Variants in BNIP1 observed in about 807,000 individuals in gnomAD.
BNIP1 encodes the protein vesicle transport protein SEC20.
BNIP1 carries 25 observed loss-of-function variants against 28.5 expected under a neutral mutation model. The ratio of observed to expected loss-of-function variants is 0.88; its 90% CI spans 0.64 to 1.23. BNIP1 has a LOEUF of 1.23. BNIP1 is among the 50% of genes most tolerant of loss of function. The pLI is 0.00. For synonymous variants in BNIP1, 118 were observed against 101.7 expected (o/e 1.16, Z -0.96); for missense variants, 276 against 277.0 (o/e 1.00, Z 0.02).
chr5:173,163,737 G>T lies in BNIP1; in HGVS notation c.503G>T (p.Arg168Leu). 1 of 1,599,036 alleles carries T rather than the reference G, an allele frequency of 6.3e-7. No homozygotes were observed. The highest frequency in any genetic ancestry group is 1.1e-5 in the South Asian group (1 of 88,780). Residue 168 changes from arginine to leucine, a missense_variant, in exon 6 of 6, where the codon CGA becomes CTA. Arg to Leu is a moderately radical substitution (Grantham distance 102, BLOSUM62 -2). Transcript: ENST00000351486. ...TCTTTTGTTTCAGTCACTTCTTCAC[G>T]AACGATCCTGGATGCAAATGAAGAA... Reference protein sequence around the residue: ...EAMQSLVTSSRTILDANEEFK... With the variant: ...EAMQSLVTSSLTILDANEEFK...
Position 173,164,146 on chromosome 5 carries a change from T to C in BNIP1, c.*225T>C, listed in dbSNP as rs761752781. 1.2e-5 allele frequency: 5 copies of C among 409,208 alleles called. No homozygotes were observed. Among genetic ancestry groups the C allele is most frequent in the Non-Finnish European group, 1.7e-5 (4 of 232,698 alleles). The allele number at this position is 409,208 out of a possible 1,614,324, so 25.3% of individuals were successfully genotyped here. A position where few individuals can be genotyped will look rare whatever the true frequency, so the allele number is the denominator to read the frequency against. ...GCATTGGGATGCCGCCCTGGGGACA[T>C]ACGAACCGCCTCCTTCCACCATTGT... is the stretch of plus-strand genomic sequence containing the variant. On this transcript the variant is annotated 3_prime_UTR_variant, in exon 6 of 6. Coordinates refer to ENST00000351486, the MANE Select transcript of BNIP1 (RefSeq NM_001205.3). This position sits in a 1 kb window ranked among gnomAD's most constrained non-coding sequence, Gnocchi z 4.0.
intron 3 of BNIP1, among the ~76,000 whole-genome samples, chr5:173,156,949 G>A (rs1195678492): frequency 6.7e-6 from 1 of 150,168 alleles, no homozygotes; most frequent in Non-Finnish European, 1.5e-5. Flanking sequence ...GTGCCCAGCC[G>A]ACCCTGTCTC....
chr5:173,164,265 A>C lies in BNIP1; in HGVS notation c.*344A>C. ...TCTCCCGCTCCCATCGTGCCCTTAA[A>C]TGCCAGATCTGGTGGAGGGAAGAGA... On this transcript the variant is annotated 3_prime_UTR_variant, in exon 6 of 6. Coordinates refer to ENST00000351486, the MANE Select transcript of BNIP1 (RefSeq NM_001205.3). This position sits in a 1 kb window ranked among gnomAD's most constrained non-coding sequence, Gnocchi z 4.0. 1.5e-5 allele frequency: 3 copies of C among 199,564 alleles called. No individual in the cohort carries two copies. The highest frequency in any genetic ancestry group is 3.0e-5 in the Non-Finnish European group (3 of 99,602). The allele number at this position is 199,564 out of a possible 1,614,324, so 12.4% of individuals were successfully genotyped here.
intron 3 of BNIP1, among the ~76,000 whole-genome samples, chr5:173,158,430 C>G (rs1466909482): frequency 1.3e-5 from 2 of 152,218 alleles, no homozygotes; most frequent in Non-Finnish European, 2.9e-5. Context: ...GGATGCCTCC[C>G]TGAAGTCCAG....
chr5:173,162,703 G>T (rs1257980305), intron 5 of BNIP1, among the ~76,000 whole-genome samples: 3 of 152,048 alleles, frequency 2.0e-5, no homozygotes, highest in African/African-American at 7.2e-5. Flanking sequence ...CATTAGCCAC[G>T]TTTTTCTATG....
intron 2 of BNIP1, among the ~76,000 whole-genome samples, chr5:173,150,348 A>T (rs1458567220): frequency 4.6e-5 from 7 of 152,114 alleles, no homozygotes; most frequent in African/African-American, 1.7e-4. Context: ...AGAGGAAGAC[A>T]GTCTGTTCTA....
chr5:173,145,306 A>G (rs1005282826), intron 1 of BNIP1, among the ~76,000 whole-genome samples: 1 of 152,240 alleles, frequency 6.6e-6, no homozygotes, highest in Non-Finnish European at 1.5e-5. Flanking sequence ...GGGTAGAGGT[A>G]AAATAAACGA....
chr5:173,148,708 C>A (rs1239689645), intron 2 of BNIP1, among the ~76,000 whole-genome samples: 1 of 151,940 alleles, frequency 6.6e-6, no homozygotes, highest in Non-Finnish European at 1.5e-5. Context: ...GCCGGCTCCT[C>A]TTCATGCCCC....
At chr5:173,151,024 A>G (rs1760002190) in intron 2 of BNIP1, among the ~76,000 whole-genome samples, 1 of 151,676 alleles carries the variant, frequency 6.6e-6, no homozygotes, top group African/African-American at 2.4e-5. Flanking sequence ...TTTAGTACAG[A>G]CGGAGTTTCA....
At chr5:173,158,707 G>A (rs781529370) in intron 3 of BNIP1, 37 bp from the exon 4 acceptor site, 2 of 1,525,654 alleles carry the variant, frequency 1.3e-6, no homozygotes, top group Admixed American at 1.7e-5. Flanking sequence ...TGGCTTGGTG[G>A]AGTGGACACA....
At chr5:173,153,808 C>T (rs913208942) in intron 2 of BNIP1, among the ~76,000 whole-genome samples, 5 of 152,120 alleles carry the variant, frequency 3.3e-5, no homozygotes, top group African/African-American at 1.2e-4. Flanking sequence ...GCTTCTCAAC[C>T]TCAGCCTCAG....
chr5:173,159,185 G>A (rs572665361), intron 4 of BNIP1, among the ~76,000 whole-genome samples: 17 of 152,096 alleles, frequency 1.1e-4, no homozygotes, highest in African/African-American at 3.6e-4. Context: ...TTACAGTTGC[G>A]TGCCACTGCA....
At chr5:173,151,428 C>A in intron 2 of BNIP1, 1 of 884,228 alleles carries the variant, frequency 1.1e-6, no homozygotes. Flanking sequence ...TGCCATGTTG[C>A]TCAGGCTGGA....
intron 2 of BNIP1, among the ~76,000 whole-genome samples, chr5:173,149,165 G>A (rs184473581): frequency 5.7e-4 from 87 of 152,248 alleles, no homozygotes; most frequent in African/African-American, 2.0e-3. Flanking sequence ...AGGGTGAGGT[G>A]GGTGTCATGG....
At chr5:173,157,802 C>T (rs980810557) in intron 3 of BNIP1, among the ~76,000 whole-genome samples, 31 of 152,122 alleles carry the variant, frequency 2.0e-4, no homozygotes, top group African/African-American at 6.5e-4. Context: ...GTAGATCCGC[C>T]GTGTCAGTCA....
chr5:173,163,816 C>T lies in BNIP1; in HGVS notation c.582C>T (p.Tyr194=), dbSNP rs1208246722. ...TGGGCCGGAAGCTTATCACAAAATA[C>T]AATCGCCGGGAGCTGACGGACAAGC... is the stretch of plus-strand genomic sequence containing the variant. ...IQLGRKLITK[Y]NRRELTDKLL... The change falls in exon 6 of 6, where the codon TAC becomes TAT. Residue 194 remains tyrosine, a synonymous_variant. Coordinates refer to ENST00000351486, the MANE Select transcript of BNIP1 (RefSeq NM_001205.3). 5.6e-6 allele frequency: 9 copies of T among 1,613,974 alleles called. No homozygotes were observed. Among genetic ancestry groups the T allele is most frequent in the East Asian group, 2.2e-5 (1 of 44,882 alleles).
At position 173,146,854 on chromosome 5, in the gene BNIP1, A is replaced by G. The variant is rs1317364308; in HGVS notation, c.85-12A>G. ...CTTGAGAAAGGCCTTTCATCTGTTC[A>G]ATGTCTCCTAGGATATCCGTGATTG... On this transcript the variant is annotated splice_polypyrimidine_tract_variant and intron_variant, in intron 1 of 5. Transcript: ENST00000351486. The G allele has an allele frequency of 6.2e-7, 1 of 1,604,686 alleles. No homozygotes were observed. The highest frequency in any genetic ancestry group is 8.5e-7 in the Non-Finnish European group (1 of 1,171,600).
chr5:173,162,866 A>C (rs2040456246), intron 5 of BNIP1, among the ~76,000 whole-genome samples: 1 of 152,164 alleles, frequency 6.6e-6, no homozygotes, highest in Non-Finnish European at 1.5e-5. Context: ...CAACCTCTGT[A>C]ACCAGTGTCT....
chr5:173,151,640 C>T, intron 2 of BNIP1: 1 of 1,612,498 alleles, frequency 6.2e-7, no homozygotes, highest in Non-Finnish European at 8.5e-7. Flanking sequence ...CCCTGACAGA[C>T]TTTTCTTCAA....
Sources: allele counts gnomAD v4.1 joint callset (sites outside exome capture counted in the v4.1 genomes callset), GRCh38; gene constraint gnomAD v4.1.1; non-coding constraint Gnocchi (gnomAD v3.1); transcripts MANE v1.5; gene names NCBI Gene and HGNC (gene_info 2026-07-23, HGNC 2026-07-21).